Variants in TEX36 observed in about 807,000 individuals in gnomAD.
TEX36 encodes the protein testis expressed 36, also known as testis-expressed protein 36.
In TEX36, 12 loss-of-function variants were observed where a neutral mutation model predicts 13.6. The ratio of observed to expected loss-of-function variants is 0.88; its 90% confidence interval spans 0.56 to 1.43. TEX36 has a LOEUF of 1.43. Ranked by LOEUF, TEX36 falls within the 40% of genes most tolerant of loss-of-function variation. The pLI is 0.00. For missense variants in TEX36, 224 were observed against 228.3 expected (o/e 0.98, Z 0.12); for synonymous variants, 93 against 83.0 (o/e 1.12, Z -0.65).
At chr10:125,645,800 C>T (rs947205290) in intron 3 of TEX36, among the ~76,000 whole-genome samples, 3 of 151,770 alleles carry the variant, frequency 2.0e-5, no homozygotes, top group African/African-American at 7.3e-5. Flanking sequence ...TAATTATTCC[C>T]TCTAAAAAAA....
chr10:125,586,642 A>C (rs1417692252), intron 3 of TEX36, among the ~76,000 whole-genome samples: 20 of 150,092 alleles, frequency 1.3e-4, no homozygotes, highest in African/African-American at 3.4e-4. Flanking sequence ...ATCCAAAAAA[A>C]AAAAAAAAAA....
intron 1 of TEX36, among the ~76,000 whole-genome samples, chr10:125,670,598 T>C (rs1847208019): frequency 6.6e-6 from 1 of 152,232 alleles, no homozygotes; most frequent in Non-Finnish European, 1.5e-5. Context: ...TTTAATTAGA[T>C]ACAATTTGTC....
intron 3 of TEX36, among the ~76,000 whole-genome samples, chr10:125,633,897 G>A (rs1846591837): frequency 6.6e-6 from 1 of 152,196 alleles, no homozygotes; most frequent in African/African-American, 2.4e-5. Context: ...ATGCCGATGA[G>A]TAATTAGGCA....
intron 3 of TEX36, among the ~76,000 whole-genome samples, chr10:125,601,617 G>T (rs1009370752): frequency 2.6e-5 from 4 of 152,258 alleles, no homozygotes; most frequent in African/African-American, 4.8e-5. Context: ...GGTTTAGAAA[G>T]TTTGGGGAGA....
downstream of TEX36, among the ~76,000 whole-genome samples, chr10:125,617,522 A>G (rs1427615779): frequency 3.9e-5 from 6 of 152,086 alleles, no homozygotes; most frequent in East Asian, 1.2e-3. Context: ...TCTGTAAAGT[A>G]TTTTATTTCT....
chr10:125,649,724 C>T (rs1448121922), intron 3 of TEX36, among the ~76,000 whole-genome samples: 1 of 152,100 alleles, frequency 6.6e-6, no homozygotes, highest in Non-Finnish European at 1.5e-5. Flanking sequence ...GAGTCAAGAG[C>T]CATCAGTGTG....
chr10:125,628,985 A>T (rs1846520984), intron 3 of TEX36, among the ~76,000 whole-genome samples: 1 of 152,242 alleles, frequency 6.6e-6, no homozygotes, highest in South Asian at 2.1e-4. Flanking sequence ...TGTGAGCTCC[A>T]TTTGACAGGC....
chr10:125,669,068 A>G (rs1193304145), intron 1 of TEX36, among the ~76,000 whole-genome samples: 1 of 152,070 alleles, frequency 6.6e-6, no homozygotes, highest in Admixed American at 6.6e-5. Flanking sequence ...TGAGGCAGGC[A>G]GATCACGAGG....
intron 3 of TEX36, among the ~76,000 whole-genome samples, chr10:125,610,410 C>T (rs1200293975): frequency 1.3e-5 from 2 of 152,156 alleles, no homozygotes; most frequent in African/African-American, 4.8e-5. Context: ...AAAGTGTGAT[C>T]TTTGGAGCAG....
At chr10:125,587,135 A>C (rs1408227017) in intron 3 of TEX36, among the ~76,000 whole-genome samples, 1 of 152,168 alleles carries the variant, frequency 6.6e-6, no homozygotes, top group Non-Finnish European at 1.5e-5. Context: ...CAGAACTGTG[A>C]GCCAATTAAA....
intron 3 of TEX36, among the ~76,000 whole-genome samples, chr10:125,639,715 C>T (rs1846662157): frequency 6.6e-6 from 1 of 152,074 alleles, no homozygotes; most frequent in African/African-American, 2.4e-5. Flanking sequence ...AGACTATCCT[C>T]GTTGATTGAA....
intron 3 of TEX36, among the ~76,000 whole-genome samples, chr10:125,581,962 G>A (rs939200940): frequency 5.3e-5 from 8 of 152,238 alleles, no homozygotes; most frequent in South Asian, 2.1e-4. Context: ...AGTGAGAGGA[G>A]GAGGCTGAGC....
intron 3 of TEX36, among the ~76,000 whole-genome samples, chr10:125,591,540 C>T (rs2365818): frequency 0.51 from 77,214 of 152,026 alleles, 21,675 homozygotes; most frequent in African/African-American, 0.76. Flanking sequence ...TAGAACTGTC[C>T]CAGCTTCACT....
At chr10:125,640,456 G>T (rs971529033) in intron 3 of TEX36, among the ~76,000 whole-genome samples, 8 of 152,176 alleles carry the variant, frequency 5.3e-5, no homozygotes, top group Admixed American at 2.0e-4. Context: ...TATTCAGTGA[G>T]TCAGGCTCTG....
At chr10:125,648,502 A>G (rs942352207) in intron 3 of TEX36, among the ~76,000 whole-genome samples, 7 of 152,252 alleles carry the variant, frequency 4.6e-5, no homozygotes, top group Non-Finnish European at 8.8e-5. Context: ...CCCCATCTGT[A>G]TGTTACCATC....
chr10:125,590,580 C>G (rs1051712713), intron 3 of TEX36, among the ~76,000 whole-genome samples: 8 of 152,098 alleles, frequency 5.3e-5, no homozygotes, highest in Non-Finnish European at 1.2e-4. Flanking sequence ...ACTATTATTA[C>G]TAGGCTAAAA....
intron 3 of TEX36, among the ~76,000 whole-genome samples, chr10:125,587,786 TAAAAAAAAAA>T (rs56198506): frequency 0.028 from 2,846 of 101,900 alleles, 90 homozygotes; most frequent in African/African-American, 0.095. Context: ...GTCTCAAAAT[TAAAAAAAAAA>T]AAAAAAAAAA....
Position 125,609,899 on chromosome 10 carries a change from C to T in TEX36, c.265-33025G>A, listed in dbSNP as rs574497861. Reference sequence around the variant, plus strand: ...GACTGGTTTCACAAGATACAGGTCACGAAGACCCTGCTGATAAAACAGGAC... The same window carrying T: ...GACTGGTTTCACAAGATACAGGTCATGAAGACCCTGCTGATAAAACAGGAC... On this transcript the variant is annotated intron_variant, in intron 3 of 3. Transcript: ENST00000532135. Among the ~76,000 whole-genome samples the T allele has an allele frequency of 5.3e-5, 8 of 152,256 alleles. No individual in the cohort carries two copies. In the South Asian group the frequency reaches 8.3e-4, roughly 16 times the overall value.
At chr10:125,640,859 G>T (rs1165216800) in intron 3 of TEX36, among the ~76,000 whole-genome samples, 1 of 152,036 alleles carries the variant, frequency 6.6e-6, no homozygotes, top group African/African-American at 2.4e-5. Flanking sequence ...TGTTTTGTGG[G>T]TCTTAGGGTG....
Sources: allele counts gnomAD v4.1 joint callset (sites outside exome capture counted in the v4.1 genomes callset), GRCh38; gene constraint gnomAD v4.1.1; transcripts MANE v1.5; gene names NCBI Gene and HGNC (gene_info 2026-07-23, HGNC 2026-07-21).